CYFIP2: variants seen among roughly 807,000 people sequenced by gnomAD.
The protein encoded by CYFIP2 is cytoplasmic FMR1 interacting protein 2, also known as cytoplasmic FMR1-interacting protein 2.
In CYFIP2, 29 loss-of-function variants were observed where a neutral mutation model predicts 158.7. The observed-to-expected ratio is 0.18, with a 90% CI of 0.14 to 0.25. The LOEUF (loss-of-function observed/expected upper bound fraction) is 0.25, where lower values mean the gene tolerates loss of function less well. Ranked by LOEUF, CYFIP2 falls within the 10% of genes least tolerant of loss-of-function variation. The probability of loss-of-function intolerance (pLI) is 1.00; values close to 1 mark genes in which losing one functional copy is unlikely to be tolerated. For synonymous variants in CYFIP2, 585 were observed against 617.6 expected (o/e 0.95, Z 0.78); for missense variants, 852 against 1,639.5 (o/e 0.52, Z 8.29).
At chr5:157,363,733 G>C (rs953632201) in intron 26 of CYFIP2, 2 of 152,434 alleles carry the variant, frequency 1.3e-5, no homozygotes, top group Non-Finnish European at 1.5e-5. Flanking sequence ...TACTGGGAGA[G>C]TGAAGGACAA....
intron 15 of CYFIP2, among the ~76,000 whole-genome samples, chr5:157,321,652 G>A (rs1760600800): frequency 6.6e-6 from 1 of 152,208 alleles, no homozygotes; most frequent in African/African-American, 2.4e-5. Flanking sequence ...TGACCTTTAA[G>A]CCTCTCTCTG....
At chr5:157,312,600 C>T (rs554895248) in intron 11 of CYFIP2, among the ~76,000 whole-genome samples, 1 of 152,336 alleles carries the variant, frequency 6.6e-6, no homozygotes, top group Admixed American at 6.5e-5. Flanking sequence ...CTCACTGCTT[C>T]CACCATGTGG....
intron 18 of CYFIP2, among the ~76,000 whole-genome samples, chr5:157,326,571 C>T (rs931566319): frequency 2.6e-5 from 4 of 152,190 alleles, no homozygotes; most frequent in African/African-American, 9.7e-5. Context: ...AAAACAGTGG[C>T]CCTTGGCTAG....
Position 157,361,113 on chromosome 5 carries a change from GCACAATATCTGA to G in CYFIP2, c.2909-351_2909-340del, listed in dbSNP as rs1214076757. 2.6e-5 allele frequency among the ~76,000 whole-genome samples: 4 copies of G among 152,310 alleles called. No individual in the cohort carries two copies. Among genetic ancestry groups the G allele is most frequent in the East Asian group, 3.9e-4 (2 of 5,190 alleles). On this transcript the variant is annotated intron_variant, in intron 25 of 30. Coordinates refer to ENST00000620254, the MANE Select transcript of CYFIP2 (RefSeq NM_001037333.3). The surrounding 1 kb of genome is among the most constrained non-coding windows in gnomAD (Gnocchi z 4.4). ...TGAGATATTACAGATAAAGTGCTCA[GCACAATATCTGA>G]CACCTACTAATAAATATTAATTCCT...
Position 157,349,174 on chromosome 5 carries a change from C to T in CYFIP2, c.2673+8017C>T, listed in dbSNP as rs539913314. On this transcript the variant is annotated intron_variant, in intron 23 of 30. Coordinates refer to ENST00000620254, the MANE Select transcript of CYFIP2 (RefSeq NM_001037333.3). ...TGGGGGAACAGGTGGTTTTTGGTTA[C>T]GTAGATTAATTCTTTAGTGGTGATT... Among the ~76,000 whole-genome samples the T allele has an allele frequency of 3.3e-5, 5 of 152,078 alleles. No individual in the cohort carries two copies. In the South Asian group the frequency reaches 8.3e-4, roughly 25 times the overall value.
At chr5:157,336,739 G>A (rs1172894594) in intron 21 of CYFIP2, among the ~76,000 whole-genome samples, 1 of 152,216 alleles carries the variant, frequency 6.6e-6, no homozygotes, top group Non-Finnish European at 1.5e-5. Context: ...CAGCCTTGCT[G>A]TGGAAAAGTG....
intron 26 of CYFIP2, among the ~76,000 whole-genome samples, chr5:157,369,861 T>A (rs1764802040): frequency 6.7e-6 from 1 of 149,244 alleles, no homozygotes; most frequent in Non-Finnish European, 1.5e-5. Flanking sequence ...GAAAACAAAA[T>A]CCTTGAGAAT....
chr5:157,312,965 G>C (rs1371550280), intron 11 of CYFIP2, among the ~76,000 whole-genome samples: 2 of 152,164 alleles, frequency 1.3e-5, no homozygotes, highest in Non-Finnish European at 2.9e-5. Context: ...TCCTGCCTCA[G>C]CCTCCCCAAG....
In CYFIP2 at chr5:157,319,914, G is replaced by A; in HGVS notation, c.1509G>A (p.Lys503=). The A allele has an allele frequency of 6.2e-7, 1 of 1,614,032 alleles. No homozygotes were observed. Among genetic ancestry groups the A allele is most frequent in the Non-Finnish European group, 8.5e-7 (1 of 1,179,880 alleles). The change falls in exon 14 of 31, where the codon AAG becomes AAA. Residue 503 remains lysine, a synonymous_variant. Coordinates refer to ENST00000620254, the MANE Select transcript of CYFIP2 (RefSeq NM_001037333.3). ...TGCGGCAGGCGGTACGGAAGAAGAA[G>A]AATGTCCTCATCAGGTGGGTTTTCA... ...EPLRQAVRKK[K]NVLISVLQAI...
At chr5:157,385,302 AT>A in intron 28 of CYFIP2, among the ~76,000 whole-genome samples, 1 of 152,250 alleles carries the variant, frequency 6.6e-6, no homozygotes, top group East Asian at 1.9e-4. Flanking sequence ...AAGCCTAGAC[AT>A]TCTGTGAGAC....
At chr5:157,322,086 T>C (rs1581055851) in intron 15 of CYFIP2, among the ~76,000 whole-genome samples, 1 of 152,138 alleles carries the variant, frequency 6.6e-6, no homozygotes, top group African/African-American at 2.4e-5. Context: ...CAGCAGTAAA[T>C]CCCGCCTCAC....
intron 1 of CYFIP2, among the ~76,000 whole-genome samples, chr5:157,274,424 C>G (rs191172391): frequency 6.6e-6 from 1 of 152,308 alleles, no homozygotes; most frequent in East Asian, 1.9e-4. Context: ...TACTTAATTA[C>G]TTTTTATGGC....
At chr5:157,342,862 T>C (rs1296398378) in intron 23 of CYFIP2, 1 of 1,608,890 alleles carries the variant, frequency 6.2e-7, no homozygotes, top group Non-Finnish European at 8.5e-7. Flanking sequence ...CTCCCCACTC[T>C]CATTCCCCAC....
At chr5:157,369,008 C>T (rs777372956) in intron 26 of CYFIP2, among the ~76,000 whole-genome samples, 4 of 151,818 alleles carry the variant, frequency 2.6e-5, no homozygotes, top group Non-Finnish European at 5.9e-5. Flanking sequence ...AAGCGATTCT[C>T]ATCCCTCAGC....
At chr5:157,277,674 T>C (rs1756671416) in intron 1 of CYFIP2, among the ~76,000 whole-genome samples, 1 of 152,222 alleles carries the variant, frequency 6.6e-6, no homozygotes. Flanking sequence ...AAACTCAGAT[T>C]GATTGCTGGT....
chr5:157,379,321 G>T (rs1348403926), intron 26 of CYFIP2, among the ~76,000 whole-genome samples: 2 of 151,954 alleles, frequency 1.3e-5, no homozygotes, highest in Non-Finnish European at 2.9e-5. Flanking sequence ...TCCTTTCCAT[G>T]AAAGGACAAA....
chr5:157,383,035 A>C (rs1313123380), intron 27 of CYFIP2, among the ~76,000 whole-genome samples: 1 of 152,180 alleles, frequency 6.6e-6, no homozygotes, highest in East Asian at 1.9e-4. Context: ...ATATTAAACC[A>C]CTATACTAGA....
chr5:157,272,717 A>G (rs1756210039), intron 1 of CYFIP2, among the ~76,000 whole-genome samples: 1 of 152,118 alleles, frequency 6.6e-6, no homozygotes, highest in Non-Finnish European at 1.5e-5. Flanking sequence ...GCTCTATTTT[A>G]ACCTAAATCA....
intron 1 of CYFIP2, among the ~76,000 whole-genome samples, chr5:157,275,751 G>A (rs1307950293): frequency 5.3e-5 from 8 of 152,164 alleles, no homozygotes; most frequent in South Asian, 2.1e-4. Context: ...CAGTATTGCC[G>A]TGTTAACAAT....
Sources: allele counts gnomAD v4.1 joint callset (sites outside exome capture counted in the v4.1 genomes callset), GRCh38; gene constraint gnomAD v4.1.1; non-coding constraint Gnocchi (gnomAD v3.1); transcripts MANE v1.5; gene names NCBI Gene and HGNC (gene_info 2026-07-23, HGNC 2026-07-21).